PPFIBP2: variants seen among roughly 807,000 people sequenced by gnomAD.
The protein encoded by PPFIBP2 is liprin-beta-2.
A neutral mutation model predicts 118.3 loss-of-function variants in PPFIBP2; 118 were observed. The observed-to-expected ratio is 1.00, with a 90% CI of 0.86 to 1.16. The LOEUF is 1.16. PPFIBP2 is among the 50% of genes most tolerant of loss of function. The pLI is 0.00. For missense variants in PPFIBP2, 1,195 were observed against 1,073.1 expected (o/e 1.11, Z -1.59); for synonymous variants, 414 against 397.4 (o/e 1.04, Z -0.50).
At chr11:7,586,996 C>G (rs1858335041) in intron 3 of PPFIBP2, among the ~76,000 whole-genome samples, 1 of 152,102 alleles carries the variant, frequency 6.6e-6, no homozygotes, top group Admixed American at 6.6e-5. Flanking sequence ...GACTTTAGCT[C>G]CTGTTTATTT....
intron 17 of PPFIBP2, among the ~76,000 whole-genome samples, chr11:7,643,719 G>A (rs1590774178): frequency 1.3e-5 from 2 of 152,290 alleles, no homozygotes; most frequent in East Asian, 3.9e-4. Flanking sequence ...TAATATTTAG[G>A]TGTAGCTTTA....
At chr11:7,550,055 T>G (rs1361524120) in intron 2 of PPFIBP2, among the ~76,000 whole-genome samples, 1 of 152,246 alleles carries the variant, frequency 6.6e-6, no homozygotes, top group Non-Finnish European at 1.5e-5. Flanking sequence ...GTTTTAATAT[T>G]TGCATTAGCC....
intron 1 of PPFIBP2, among the ~76,000 whole-genome samples, chr11:7,521,558 C>G (rs565068324): frequency 7.1e-4 from 108 of 152,318 alleles, no homozygotes; most frequent in Non-Finnish European, 5.6e-4. Flanking sequence ...CTCCCTTGCC[C>G]CTAAGTCGTT....
intron 7 of PPFIBP2, among the ~76,000 whole-genome samples, chr11:7,624,322 C>T (rs1371350622): frequency 2.0e-5 from 3 of 152,188 alleles, no homozygotes; most frequent in Admixed American, 6.5e-5. Flanking sequence ...TGATGACTTA[C>T]GGAGATATTG....
chr11:7,561,162 G>A (rs1369504500), intron 2 of PPFIBP2, among the ~76,000 whole-genome samples: 1 of 152,220 alleles, frequency 6.6e-6, no homozygotes, highest in Non-Finnish European at 1.5e-5. Context: ...CTGCCTCCCA[G>A]GTTCAAGCGA....
chr11:7,647,764 T>C (rs1590798500), intron 17 of PPFIBP2, among the ~76,000 whole-genome samples: 1 of 152,248 alleles, frequency 6.6e-6, no homozygotes, highest in Non-Finnish European at 1.5e-5. Flanking sequence ...TTCTGCCTAA[T>C]AGCTATACTT....
chr11:7,569,819 A>T (rs1855449649), intron 3 of PPFIBP2, among the ~76,000 whole-genome samples: 1 of 152,124 alleles, frequency 6.6e-6, no homozygotes, highest in Non-Finnish European at 1.5e-5. Context: ...TGTGATGGGA[A>T]CAGAGCTGAG....
intron 23 of PPFIBP2, among the ~76,000 whole-genome samples, chr11:7,652,189 G>C (rs1854137716): frequency 1.3e-5 from 2 of 152,264 alleles, no homozygotes; most frequent in African/African-American, 4.8e-5. Context: ...GGTCAGGCCT[G>C]CCTGCGTGCC....
intron 3 of PPFIBP2, among the ~76,000 whole-genome samples, chr11:7,566,188 C>G (rs1854962892): frequency 6.6e-6 from 1 of 152,066 alleles, no homozygotes; most frequent in South Asian, 2.1e-4. Context: ...TAAAAAAAAG[C>G]TTGACAAATT....
At chr11:7,631,200 G>A in intron 11 of PPFIBP2, 172 bp downstream of exon 11, 1 of 598,084 alleles carries the variant, frequency 1.7e-6, no homozygotes, top group Non-Finnish European at 3.0e-6. Context: ...AGAGGCTGAG[G>A]CTCTGGCCTG....
intron 3 of PPFIBP2, among the ~76,000 whole-genome samples, chr11:7,581,287 G>T (rs1014656043): frequency 6.6e-6 from 1 of 152,232 alleles, no homozygotes; most frequent in African/African-American, 2.4e-5. Flanking sequence ...AGCAGGGTCT[G>T]TGGGACCCAC....
chr11:7,622,724 G>A (rs897339988), intron 7 of PPFIBP2, among the ~76,000 whole-genome samples: 8 of 152,102 alleles, frequency 5.3e-5, no homozygotes, highest in Admixed American at 5.2e-4. Context: ...GTGTAGTTTT[G>A]TATGTGTATG....
intron 1 of PPFIBP2, among the ~76,000 whole-genome samples, chr11:7,537,524 T>C (rs1349493648): frequency 6.6e-6 from 1 of 152,234 alleles, no homozygotes; most frequent in African/African-American, 2.4e-5. Flanking sequence ...AGTTATCTGT[T>C]GCCTAGTCCT....
chr11:7,663,424 G>C, the PPFIBP2 span, among the ~76,000 whole-genome samples: 5 of 151,992 alleles, frequency 3.3e-5, no homozygotes, highest in Admixed American at 6.6e-5. Flanking sequence ...GTGTCGGTGT[G>C]CCCCTGCTGG....
rs552957845 is a variant in PPFIBP2 at position 7,636,988 on chromosome 11, A to T, written c.1236+1395A>T. On this transcript the variant is annotated intron_variant, in intron 14 of 23. Coordinates refer to ENST00000299492, the MANE Select transcript of PPFIBP2 (RefSeq NM_003621.5). The stretch of plus-strand genomic sequence containing the variant: ...GACTGAGAGCTCATTTCATTGGAAG[A>T]CATCCTTTGTATTCTTTTGCAGCTG... Among the ~76,000 whole-genome samples the T allele has an allele frequency of 6.1e-4, 93 of 152,312 alleles. 1 individual carries two copies. The highest frequency in any genetic ancestry group is 4.4e-5 in the Non-Finnish European group (3 of 68,028).
intron 6 of PPFIBP2, among the ~76,000 whole-genome samples, chr11:7,612,565 C>G (rs1565056999): frequency 6.6e-6 from 1 of 152,182 alleles, no homozygotes; most frequent in African/African-American, 2.4e-5. Flanking sequence ...TTACTGTTTG[C>G]TTTTTTCTTT....
At chr11:7,578,376 C>T (rs557737484) in intron 3 of PPFIBP2, among the ~76,000 whole-genome samples, 7 of 152,206 alleles carry the variant, frequency 4.6e-5, no homozygotes, top group Admixed American at 2.0e-4. Flanking sequence ...AGGGCAAAAG[C>T]AGCTGACAGG....
chr11:7,666,869 C>A, the PPFIBP2 span: 2 of 262,340 alleles, frequency 7.6e-6, no homozygotes, highest in Non-Finnish European at 1.5e-5. Context: ...CCAGCCCTGC[C>A]TCCTACATCT....
At chr11:7,656,692 C>CT (rs1355195107), downstream of PPFIBP2, 5 of 1,288,450 alleles carry the variant, frequency 3.9e-6, no homozygotes, top group Admixed American at 2.3e-5. Flanking sequence ...GACCAAAACT[C>CT]TATTAAACTG....
Sources: gnomAD v4.1 joint callset for allele counts (sites outside exome capture counted in the v4.1 genomes callset) on GRCh38, gnomAD v4.1.1 for gene constraint, MANE v1.5 for transcripts, NCBI Gene and HGNC (gene_info 2026-07-23, HGNC 2026-07-21) for gene names.